The following RAB5A variants were observed in gnomAD, a reference collection of about 807,000 sequenced individuals.
RAB5A encodes the protein ras-related protein Rab-5A.
Under a neutral mutation model 25.7 loss-of-function variants are expected in RAB5A, and 8 were observed. The observed-to-expected ratio is 0.31, with a 90% CI of 0.18 to 0.56. The LOEUF (loss-of-function observed/expected upper bound fraction) is 0.56. RAB5A is among the 20% of genes least tolerant of loss of function. The pLI, the probability that RAB5A is intolerant of heterozygous loss-of-function variation, is 0.91. For synonymous variants in RAB5A, 98 were observed against 89.8 expected (o/e 1.09, Z -0.52); for missense variants, 192 against 259.7 (o/e 0.74, Z 1.79).
chr3:19,981,681 G>A (rs926011580), intron 5 of RAB5A, among the ~76,000 whole-genome samples: 3 of 152,030 alleles, frequency 2.0e-5, no homozygotes, highest in African/African-American at 4.8e-5. Context: ...TAGCCCCATT[G>A]TAAGTCAAGG....
At chr3:19,977,657 G>A (rs1316717880) in intron 4 of RAB5A, among the ~76,000 whole-genome samples, 2 of 152,164 alleles carry the variant, frequency 1.3e-5, no homozygotes, top group Admixed American at 6.5e-5. Context: ...TTAAATTACA[G>A]TCAGAAGTGG....
chr3:19,978,037 A>C (rs1453767464), intron 4 of RAB5A, among the ~76,000 whole-genome samples: 2 of 152,260 alleles, frequency 1.3e-5, no homozygotes, highest in Non-Finnish European at 2.9e-5. Flanking sequence ...TCTGGAACTC[A>C]GTATTTGAAA....
At chr3:19,966,408 T>A (rs1696663112) in intron 2 of RAB5A, among the ~76,000 whole-genome samples, 1 of 152,248 alleles carries the variant, frequency 6.6e-6, no homozygotes, top group Admixed American at 6.5e-5. Flanking sequence ...AATATTCCAT[T>A]GTATGTATAT....
At chr3:19,949,620 A>G (rs1469722651) in intron 1 of RAB5A, among the ~76,000 whole-genome samples, 1 of 152,202 alleles carries the variant, frequency 6.6e-6, no homozygotes, top group Non-Finnish European at 1.5e-5. Context: ...ATAGAAGGAA[A>G]CTGTTAAGAT....
intron 5 of RAB5A, chr3:19,980,320 TAGAA>T (rs1338236467): frequency 3.9e-5 from 6 of 152,258 alleles, no homozygotes; most frequent in Admixed American, 3.9e-4. Flanking sequence ...TTTTTCGAGT[TAGAA>T]AGCAGCCTAC....
rs564200273 is a variant in RAB5A at position 19,959,431 on chromosome 3, G to T, written c.163+8370G>T. 6.7e-5 allele frequency among the ~76,000 whole-genome samples: 10 copies of T among 149,408 alleles called. No individual in the cohort carries two copies. The South Asian group carries it at 2.2e-3, about 32-fold the overall frequency. On this transcript the variant is annotated intron_variant, in intron 2 of 5. Transcript: ENST00000273047. ...GCCTAAATCTCCAACTGATCTTCTTGTTATGTACTAATTTATATATATATA... is the reference window on the plus strand; with the variant it reads ...GCCTAAATCTCCAACTGATCTTCTTTTTATGTACTAATTTATATATATATA...
intron 2 of RAB5A, among the ~76,000 whole-genome samples, chr3:19,961,419 GTTAGAGTACAC>G (rs1696582855): frequency 2.1e-5 from 3 of 144,464 alleles, no homozygotes; most frequent in African/African-American, 5.8e-5. Context: ...TTGGCTCATA[GTTAGAGTACAC>G]ATGACAAGTG....
rs750938095 is a variant in RAB5A at position 19,975,592 on chromosome 3, T to C, written c.164-9T>C. ...AAATGATTGACTTATTGTAGTCCTT[T>C]TCTTTCAGCTGCTTTTCTAACCCAA... On this transcript the variant is annotated splice_polypyrimidine_tract_variant and intron_variant, in intron 2 of 5. Coordinates refer to ENST00000273047, the MANE Select transcript of RAB5A (RefSeq NM_004162.5). 6.2e-7 allele frequency: 1 copy of C among 1,609,038 alleles called. No homozygotes were observed. Among genetic ancestry groups the C allele is most frequent in the Admixed American group, 1.7e-5 (1 of 58,676 alleles).
intron 2 of RAB5A, among the ~76,000 whole-genome samples, chr3:19,961,931 TAGAGACTTAAAA>T (rs1696591477): frequency 6.6e-6 from 1 of 152,244 alleles, no homozygotes; most frequent in African/African-American, 2.4e-5. Flanking sequence ...CTCCAAAATG[TAGAGACTTAAAA>T]TTATTTTGTC....
chr3:19,956,946 CTTTTTTTT>C (rs748433119), intron 2 of RAB5A, among the ~76,000 whole-genome samples: 2 of 135,224 alleles, frequency 1.5e-5, no homozygotes, highest in Non-Finnish European at 3.2e-5. Context: ...GTTTTTTTTC[CTTTTTTTT>C]TTTTTTTTTA....
At chr3:19,982,711 A>T (rs1410374427) in intron 5 of RAB5A, among the ~76,000 whole-genome samples, 2 of 151,716 alleles carry the variant, frequency 1.3e-5, no homozygotes, top group East Asian at 3.9e-4. Flanking sequence ...GCAGTAAGCC[A>T]TGATCATACC....
At chr3:19,979,883 C>T (rs1269884523) in intron 5 of RAB5A, 2 of 152,062 alleles carry the variant, frequency 1.3e-5, no homozygotes, top group Admixed American at 6.6e-5. Flanking sequence ...GTTCACAGTC[C>T]TAACCCCAAG....
At chr3:19,957,959 G>T (rs1696529350) in intron 2 of RAB5A, among the ~76,000 whole-genome samples, 1 of 152,138 alleles carries the variant, frequency 6.6e-6, no homozygotes, top group Non-Finnish European at 1.5e-5. Flanking sequence ...AATAACTCAT[G>T]TTTTTCCAGT....
intron 2 of RAB5A, among the ~76,000 whole-genome samples, chr3:19,955,240 T>C (rs747500378): frequency 2.6e-5 from 4 of 152,232 alleles, no homozygotes; most frequent in Admixed American, 6.5e-5. Flanking sequence ...CAATTTTGTA[T>C]GCACTAATCA....
Position 19,985,002 on chromosome 3 carries a change from G to C in RAB5A, c.*1179G>C, listed in dbSNP as rs1257630620. 1 of 187,390 alleles carries C rather than the reference G, an allele frequency of 5.3e-6. No individual in the cohort carries two copies. The highest frequency in any genetic ancestry group is 1.1e-5 in the Non-Finnish European group (1 of 91,022). 11.6% of individuals were successfully genotyped at this position (187,390 alleles called of 1,614,324 possible). A position where few individuals can be genotyped will look rare whatever the true frequency, so the allele number is the denominator to read the frequency against. ...TCAGTATATTGCACTAATTATTTTA[G>C]GTATTTTCATTATATGAAAGCTACC... On this transcript the variant is annotated 3_prime_UTR_variant, in exon 6 of 6. Transcript: ENST00000273047.
chr3:19,967,147 A>ATTT (rs11362045), intron 2 of RAB5A, among the ~76,000 whole-genome samples: 2 of 140,162 alleles, frequency 1.4e-5, no homozygotes, highest in African/African-American at 2.6e-5. Flanking sequence ...TCCTTTGTCC[A>ATTT]TTTTTTTTTT....
chr3:19,969,394 T>G (rs4398451), intron 2 of RAB5A, among the ~76,000 whole-genome samples: 1 of 152,006 alleles, frequency 6.6e-6, no homozygotes, highest in African/African-American at 2.4e-5. Flanking sequence ...TTGTTTTGAC[T>G]ATGTGGATGA....
chr3:19,959,708 G>T (rs905329578), intron 2 of RAB5A, among the ~76,000 whole-genome samples: 1 of 149,100 alleles, frequency 6.7e-6, no homozygotes, highest in South Asian at 2.1e-4. Flanking sequence ...GCTCTCTGCA[G>T]CCTCAGCCTC....
intron 4 of RAB5A, 141 bp from the exon 5 acceptor site, chr3:19,978,169 A>G (rs1272365317): frequency 3.0e-6 from 2 of 675,582 alleles, no homozygotes; most frequent in Non-Finnish European, 2.7e-6. Flanking sequence ...GTAGCTTATT[A>G]TATAGTTGTT....
Sources: gnomAD v4.1 joint callset for allele counts (sites outside exome capture counted in the v4.1 genomes callset) on GRCh38, gnomAD v4.1.1 for gene constraint, MANE v1.5 for transcripts, NCBI Gene and HGNC (gene_info 2026-07-23, HGNC 2026-07-21) for gene names.